The following RNF144B variants were observed in gnomAD, a reference collection of about 807,000 sequenced individuals.
RNF144B encodes the protein E3 ubiquitin-protein ligase RNF144B.
RNF144B carries 25 observed loss-of-function variants against 40.2 expected under a neutral mutation model. The ratio of observed to expected loss-of-function variants is 0.62; its 90% CI spans 0.45 to 0.87. RNF144B has a LOEUF of 0.87. RNF144B is among the 40% of genes least tolerant of loss of function. The pLI is 0.00. For missense variants in RNF144B, 365 were observed against 373.7 expected (o/e 0.98, Z 0.19); for synonymous variants, 145 against 136.3 (o/e 1.06, Z -0.44).
rs1267915646 is a variant in RNF144B at position 18,406,657 on chromosome 6, C to T, written c.165+6958C>T. 6.6e-6 allele frequency among the ~76,000 whole-genome samples: 1 copy of T among 152,064 alleles called. No homozygotes were observed. The highest frequency in any genetic ancestry group is 1.5e-5 in the Non-Finnish European group (1 of 68,010). On this transcript the variant is annotated intron_variant, in intron 2 of 7. Coordinates refer to ENST00000259939, the MANE Select transcript of RNF144B (RefSeq NM_182757.4). The surrounding 1 kb of genome is among the most constrained non-coding windows in gnomAD (Gnocchi z 4.2). ...GTCCCAGTCCGAGGGCAGGAGAAAA[C>T]TGATGTCCCAGCTCAGGCAGTCAGG...
At position 18,406,400 on chromosome 6, in the gene RNF144B, G is replaced by A. The variant is rs1372081188; in HGVS notation, c.165+6701G>A. Reference sequence around the variant, plus strand: ...GAGGGAAGCAGTATGGAGGTCTTAAGTTGGGAGTGTGCTTGGTGTATCCTG... The same window carrying A: ...GAGGGAAGCAGTATGGAGGTCTTAAATTGGGAGTGTGCTTGGTGTATCCTG... On this transcript the variant is annotated intron_variant, in intron 2 of 7. Transcript: ENST00000259939. This position sits in a 1 kb window ranked among gnomAD's most constrained non-coding sequence, Gnocchi z 4.2. Among the ~76,000 whole-genome samples the A allele has an allele frequency of 6.6e-6, 1 of 151,594 alleles. No homozygotes were observed. Among genetic ancestry groups the A allele is most frequent in the Non-Finnish European group, 1.5e-5 (1 of 67,942 alleles).
At chr6:18,393,119 C>CA (rs10711336) in intron 1 of RNF144B, among the ~76,000 whole-genome samples, 3,584 of 111,310 alleles carry the variant, frequency 0.032, 98 homozygotes, top group African/African-American at 0.085. Flanking sequence ...GACTCCATCT[C>CA]AAAAAAAAAA....
In RNF144B at chr6:18,439,758, T is replaced by G; in HGVS notation, c.331+14T>G. Reference sequence around the variant, plus strand: ...AATTTGAAAGAGGTATGAACTCTTCTTTTTTTCCTGATGATGAATGTGGTT... The same window carrying G: ...AATTTGAAAGAGGTATGAACTCTTCGTTTTTTCCTGATGATGAATGTGGTT... On this transcript the variant is annotated intron_variant, in intron 4 of 7. Coordinates refer to ENST00000259939, the MANE Select transcript of RNF144B (RefSeq NM_182757.4). 1 of 1,560,934 alleles carries G rather than the reference T, an allele frequency of 6.4e-7. No homozygotes were observed. The highest frequency in any genetic ancestry group is 8.8e-7 in the Non-Finnish European group (1 of 1,132,030).
rs1305123830 is a variant in RNF144B at position 18,456,072 on chromosome 6, G to A, written c.332-1083G>A. Among the ~76,000 whole-genome samples, 5 of 152,042 alleles carry A rather than the reference G, an allele frequency of 3.3e-5. No homozygotes were observed. Among genetic ancestry groups the A allele is most frequent in the South Asian group, 4.1e-4 (2 of 4,826 alleles). On this transcript the variant is annotated intron_variant, in intron 4 of 7. Coordinates refer to ENST00000259939, the MANE Select transcript of RNF144B (RefSeq NM_182757.4). The surrounding 1 kb of genome is among the most constrained non-coding windows in gnomAD (Gnocchi z 4.7). ...CAAGTAGCTGGGACTACAGGCACCC[G>A]CCACCATGCCCGGCTAATTTTTTGT...
intron 7 of RNF144B, among the ~76,000 whole-genome samples, chr6:18,463,586 G>A (rs1214775936): frequency 2.6e-5 from 4 of 152,200 alleles, no homozygotes; most frequent in Non-Finnish European, 4.4e-5. Context: ...AAGGACAAGC[G>A]GAGAAACAGG....
In RNF144B at chr6:18,426,292, A is replaced by G. The variant is rs1210011760; in HGVS notation, c.166-1289A>G. ...CGTTGCTTCAGTGGCTGGCTTAAGT[A>G]TTTTTGGTGGAATGTACTCCTCAAC... is the stretch of plus-strand genomic sequence containing the variant. On this transcript the variant is annotated intron_variant, in intron 2 of 7. Coordinates refer to ENST00000259939, the MANE Select transcript of RNF144B (RefSeq NM_182757.4). Among the ~76,000 whole-genome samples the G allele has an allele frequency of 2.0e-5, 3 of 152,182 alleles. No homozygotes were observed. The East Asian group carries it at 5.8e-4, about 29-fold the overall frequency.
chr6:18,423,969 A>G (rs916579898), intron 2 of RNF144B, among the ~76,000 whole-genome samples: 8 of 152,208 alleles, frequency 5.3e-5, no homozygotes, highest in Non-Finnish European at 7.3e-5. Context: ...ATGCTACTTA[A>G]TAAATGTAAC....
chr6:18,425,056 G>GGGGT lies in RNF144B; in HGVS notation c.166-2524_166-2523insGGTG, dbSNP rs746132849. Among the ~76,000 whole-genome samples the GGGGT allele has an allele frequency of 1.3e-5, 2 of 151,212 alleles. No homozygotes were observed. Among genetic ancestry groups the GGGGT allele is most frequent in the African/African-American group, 2.4e-5 (1 of 41,280 alleles). ...TTTCACGTGTATGTGTGTATGTGTG[G>GGGGT]GTGTGTGTGTGTGTGTGTTAAAACC... On this transcript the variant is annotated intron_variant, in intron 2 of 7. Transcript: ENST00000259939. The surrounding 1 kb of genome is among the most constrained non-coding windows in gnomAD (Gnocchi z 4.2).
intron 1 of RNF144B, among the ~76,000 whole-genome samples, chr6:18,394,751 A>G (rs1432107302): frequency 6.6e-6 from 1 of 152,190 alleles, no homozygotes; most frequent in Non-Finnish European, 1.5e-5. Flanking sequence ...TGACAATTCT[A>G]ATGACAAGAC....
chr6:18,439,775 A>T (rs1354065696), intron 4 of RNF144B, 31 bp downstream of exon 4: 1 of 1,480,612 alleles, frequency 6.8e-7, no homozygotes, highest in Non-Finnish European at 9.4e-7. Flanking sequence ...CCTGATGATG[A>T]ATGTGGTTTT....
chr6:18,454,387 A>G (rs1759282016), intron 4 of RNF144B, among the ~76,000 whole-genome samples: 1 of 152,236 alleles, frequency 6.6e-6, no homozygotes, highest in East Asian at 1.9e-4. Flanking sequence ...TAGACGCTCT[A>G]CAGAGTTGGC....
rs1369302335 is a variant in RNF144B, at chr6:18,412,566, A to T, written c.165+12867A>T. ...GGGAGATGCCTTATCACACAAAAAAATTCATGTCCAGTGACAAAATGTTAC... is the reference window on the plus strand; with the variant it reads ...GGGAGATGCCTTATCACACAAAAAATTTCATGTCCAGTGACAAAATGTTAC... On this transcript the variant is annotated intron_variant, in intron 2 of 7. Transcript: ENST00000259939. This position sits in a 1 kb window ranked among gnomAD's most constrained non-coding sequence, Gnocchi z 4.2. Among the ~76,000 whole-genome samples the T allele has an allele frequency of 6.7e-6, 1 of 150,342 alleles. No homozygotes were observed. The highest frequency in any genetic ancestry group is 2.4e-5 in the African/African-American group (1 of 40,928).
intron 4 of RNF144B, among the ~76,000 whole-genome samples, chr6:18,454,653 C>T (rs1359209116): frequency 4.6e-5 from 7 of 152,018 alleles, no homozygotes; most frequent in African/African-American, 9.7e-5. Context: ...TTGCTTTCAA[C>T]GGACTGTGCC....
At chr6:18,451,840 A>C (rs1326089542) in intron 4 of RNF144B, among the ~76,000 whole-genome samples, 1 of 152,204 alleles carries the variant, frequency 6.6e-6, no homozygotes, top group Non-Finnish European at 1.5e-5. Context: ...TTTAATGTTA[A>C]AATTTGTTTT....
chr6:18,427,961 G>A (rs796733647), intron 3 of RNF144B, among the ~76,000 whole-genome samples: 9 of 152,294 alleles, frequency 5.9e-5, no homozygotes, highest in African/African-American at 2.2e-4. Context: ...TGTGAAGTTA[G>A]GAGGCTGATA....
At chr6:18,432,474 G>A (rs1229574719) in intron 3 of RNF144B, among the ~76,000 whole-genome samples, 1 of 152,240 alleles carries the variant, frequency 6.6e-6, no homozygotes, top group Admixed American at 6.5e-5. Flanking sequence ...CTTTTCCAAT[G>A]TACTTGATCT....
At chr6:18,439,584 A>G (rs1582433076) in intron 3 of RNF144B, 100 bp from the exon 4 acceptor site, 1 of 812,956 alleles carries the variant, frequency 1.2e-6, no homozygotes, top group African/African-American at 1.7e-5. Flanking sequence ...ATTGGTGTAG[A>G]GAAAGTATAA....
chr6:18,388,049 C>A (rs1794499537), intron 1 of RNF144B, among the ~76,000 whole-genome samples: 2 of 152,246 alleles, frequency 1.3e-5, no homozygotes, highest in South Asian at 4.1e-4. Context: ...TAAAATCGAA[C>A]TGATTGTCGT....
intron 2 of RNF144B, among the ~76,000 whole-genome samples, chr6:18,415,501 A>G (rs1015470527): frequency 1.3e-5 from 2 of 152,166 alleles, no homozygotes; most frequent in Non-Finnish European, 2.9e-5. Flanking sequence ...GAGCCCTTTC[A>G]TAAGGGTGCC....
Sources: gnomAD v4.1 joint callset for allele counts (sites outside exome capture counted in the v4.1 genomes callset) on GRCh38, gnomAD v4.1.1 for gene constraint, Gnocchi (gnomAD v3.1) non-coding constraint, MANE v1.5 for transcripts, NCBI Gene and HGNC (gene_info 2026-07-23, HGNC 2026-07-21) for gene names.